The following HNF1B variants were observed in gnomAD, a reference collection of about 807,000 sequenced individuals.
HNF1B encodes HNF1 homeobox B, also known as hepatocyte nuclear factor 1-beta.
HNF1B carries 8 observed loss-of-function variants against 61.7 expected under a neutral mutation model. That is an observed-to-expected ratio of 0.13 (90% CI 0.08 to 0.23). The LOEUF (loss-of-function observed/expected upper bound fraction) is 0.23, where lower values mean the gene tolerates loss of function less well. Ranked by LOEUF, HNF1B falls within the 10% of genes least tolerant of loss-of-function variation. HNF1B has a pLI of 1.00. For missense variants in HNF1B, 562 were observed against 714.5 expected (o/e 0.79, Z 2.43); for synonymous variants, 314 against 287.7 (o/e 1.09, Z -0.93).
At chr17:37,723,787 T>C (rs59994727) in intron 4 of HNF1B, among the ~76,000 whole-genome samples, 1,983 of 152,282 alleles carry the variant, frequency 0.013, 40 homozygotes, top group African/African-American at 0.046. Flanking sequence ...CTGCAAGGAA[T>C]GGTAACAGCT....
At chr17:37,723,590 G>A (rs1318317430) in intron 4 of HNF1B, among the ~76,000 whole-genome samples, 4 of 152,150 alleles carry the variant, frequency 2.6e-5, no homozygotes, top group Non-Finnish European at 5.9e-5. Context: ...AGGAAGAGCA[G>A]GAGATTGCCT....
intron 1 of HNF1B, among the ~76,000 whole-genome samples, chr17:37,743,875 G>A (rs964999152): frequency 6.6e-6 from 1 of 152,206 alleles, no homozygotes; most frequent in Admixed American, 6.5e-5. Context: ...CCACACCACC[G>A]CGCTTGGTTT....
At position 37,710,680 on chromosome 17, in the gene HNF1B, AC is replaced by A; in HGVS notation, c.1046-18del. The A allele has an allele frequency of 6.2e-7, 1 of 1,610,860 alleles. No individual in the cohort carries two copies. The highest frequency in any genetic ancestry group is 8.5e-7 in the Non-Finnish European group (1 of 1,178,022). ...AGCGCACTCCTGCAAAACAACACAA[AC>A]CCAGTAGGGAACATTAGTGCCACCA... On this transcript the variant is annotated intron_variant, in intron 4 of 8. Coordinates refer to ENST00000617811, the MANE Select transcript of HNF1B (RefSeq NM_000458.4).
chr17:37,713,612 T>C (rs3110642), intron 4 of HNF1B, among the ~76,000 whole-genome samples: 21,336 of 152,278 alleles, frequency 0.14, 1,663 homozygotes, highest in Non-Finnish European at 0.18. Context: ...TGATAGAGGC[T>C]CGGCTGGAAA....
chr17:37,744,495 G>T (rs1412822061), intron 1 of HNF1B, 46 bp downstream of exon 1: 2 of 1,583,932 alleles, frequency 1.3e-6, no homozygotes, highest in Non-Finnish European at 1.7e-6. Flanking sequence ...CGGGGCCGGG[G>T]CTCCAGGGGT....
chr17:37,706,498 T>C (rs1163188119), intron 5 of HNF1B, among the ~76,000 whole-genome samples: 1 of 152,016 alleles, frequency 6.6e-6, no homozygotes, highest in Non-Finnish European at 1.5e-5. Context: ...GTCAACTCCA[T>C]AGTGTCCAAG....
intron 7 of HNF1B, among the ~76,000 whole-genome samples, chr17:37,700,568 C>A (rs544697911): frequency 6.6e-6 from 1 of 152,226 alleles, no homozygotes; most frequent in South Asian, 2.1e-4. Flanking sequence ...AATTAGATGC[C>A]AATTGTGATC....
At chr17:37,723,974 T>C (rs1023380798) in intron 4 of HNF1B, among the ~76,000 whole-genome samples, 15 of 152,208 alleles carry the variant, frequency 9.9e-5, no homozygotes, top group African/African-American at 3.4e-4. Context: ...GGAATTTGGG[T>C]CTGCCTCCAT....
At position 37,744,624 on chromosome 17, in the gene HNF1B, G is replaced by A; in HGVS notation, c.261C>T (p.Asp87=). Residue 87 remains aspartate, a synonymous_variant, in exon 1 of 9, where the codon GAC becomes GAT. Transcript: ENST00000617811. ...GCAGCTCCTTGAGGATGGGAGGTGTGTCATAGTCGTCGCCGTCCTCGGAGC... is the reference window on the plus strand; with the variant it reads ...GCAGCTCCTTGAGGATGGGAGGTGTATCATAGTCGTCGCCGTCCTCGGAGC... ...DEGSEDGDDY[D]TPPILKELQA... The A allele has an allele frequency of 6.2e-7, 1 of 1,611,258 alleles. No homozygotes were observed. The highest frequency in any genetic ancestry group is 8.5e-7 in the Non-Finnish European group (1 of 1,180,006).
At chr17:37,740,134 A>C (rs2147578201) in intron 1 of HNF1B, among the ~76,000 whole-genome samples, 1 of 152,008 alleles carries the variant, frequency 6.6e-6, no homozygotes, top group Admixed American at 6.5e-5. Context: ...ACACCCAGCT[A>C]AATTTTTTAT....
chr17:37,698,457 C>T (rs1221167232), intron 8 of HNF1B, among the ~76,000 whole-genome samples: 3 of 152,100 alleles, frequency 2.0e-5, no homozygotes, highest in Non-Finnish European at 4.4e-5. Context: ...GACTAAGCCT[C>T]TGGATTCCCC....
chr17:37,735,900 G>A (rs1334043694), intron 2 of HNF1B, among the ~76,000 whole-genome samples: 1 of 152,060 alleles, frequency 6.6e-6, no homozygotes, highest in Admixed American at 6.6e-5. Context: ...CTGGGACTAC[G>A]GATGTGCAGG....
intron 4 of HNF1B, among the ~76,000 whole-genome samples, chr17:37,718,344 C>T (rs1248734861): frequency 6.6e-6 from 1 of 152,164 alleles, no homozygotes; most frequent in Non-Finnish European, 1.5e-5. Context: ...AGGCAAACAT[C>T]AGGCAGTTTG....
In HNF1B at chr17:37,701,033, A is replaced by T. The variant is rs1210118895; in HGVS notation, c.1484T>A (p.Met495Lys). The change falls in exon 7 of 9, where the codon ATG (methionine) becomes AAG (lysine). Residue 495 changes from methionine (M) to lysine (K), a missense_variant. By Grantham distance (95) the Met-to-Lys change is moderately conservative. This residue lies in a region of HNF1B where 64 missense variants were observed against 96.9 expected (regional missense o/e 0.66). Transcript: ENST00000617811. ...PLMQQSPGSH[M>K]AQQPFMAAVT... ...AGCTGCCATGAAGGGCTGCTGGGCC[A>T]TGTGGCTGCCTGGGCTCTGCTGCAT... The T allele has an allele frequency of 7.7e-6, 12 of 1,556,892 alleles. No homozygotes were observed. Among genetic ancestry groups the T allele is most frequent in the African/African-American group, 4.1e-5 (3 of 73,528 alleles).
chr17:37,703,877 AC>A (rs1235991386), intron 6 of HNF1B, among the ~76,000 whole-genome samples: 1 of 152,190 alleles, frequency 6.6e-6, no homozygotes, highest in Non-Finnish European at 1.5e-5. Flanking sequence ...CCAAGTTCCG[AC>A]CCTAGCTAAA....
intron 1 of HNF1B, among the ~76,000 whole-genome samples, chr17:37,742,775 C>T (rs1396538321): frequency 6.6e-6 from 1 of 151,384 alleles, no homozygotes; most frequent in African/African-American, 2.4e-5. Context: ...TGTCGGCGAC[C>T]CGGGGGCTCC....
chr17:37,688,961 A>G (rs760362899), intron 8 of HNF1B, among the ~76,000 whole-genome samples: 2 of 152,108 alleles, frequency 1.3e-5, no homozygotes, highest in Admixed American at 1.3e-4. Flanking sequence ...CCTGGCCAAC[A>G]TAGTGAAACC....
chr17:37,696,147 G>A (rs149476480), intron 8 of HNF1B, among the ~76,000 whole-genome samples: 2 of 152,186 alleles, frequency 1.3e-5, no homozygotes, highest in African/African-American at 4.8e-5. Flanking sequence ...AGATCTGGCT[G>A]TTTAAAAGAG....
chr17:37,708,417 C>T (rs2032821967), intron 5 of HNF1B, among the ~76,000 whole-genome samples: 1 of 152,184 alleles, frequency 6.6e-6, no homozygotes, highest in African/African-American at 2.4e-5. Context: ...CACTGCTGAG[C>T]AGAACAGGAA....
Sources: allele counts gnomAD v4.1 joint callset (sites outside exome capture counted in the v4.1 genomes callset), GRCh38; gene constraint gnomAD v4.1.1; regional missense constraint gnomAD v4.1.1; transcripts MANE v1.5; gene names NCBI Gene and HGNC (gene_info 2026-07-23, HGNC 2026-07-21).